The following PCDHGB2 variants were observed in gnomAD, a reference collection of about 807,000 sequenced individuals.
The protein encoded by PCDHGB2 is protocadherin gamma subfamily B, 2, also known as protocadherin gamma-B2.
A neutral mutation model predicts 59.3 loss-of-function variants in PCDHGB2; 55 were observed. That is an observed-to-expected ratio of 0.93 (90% CI 0.75 to 1.16). The LOEUF (loss-of-function observed/expected upper bound fraction) is 1.16. Among genes scored for constraint, PCDHGB2 ranks in the 50% most tolerant of loss-of-function variants. The pLI is 0.00. For synonymous variants in PCDHGB2, 516 were observed against 512.0 expected (o/e 1.01, Z -0.11); for missense variants, 1,228 against 1,198.5 (o/e 1.02, Z -0.36).
intron 1 of PCDHGB2, chr5:141,366,421 G>A: frequency 6.2e-7 from 1 of 1,614,150 alleles, no homozygotes; most frequent in Non-Finnish European, 8.5e-7. Flanking sequence ...TGGTGGCAGT[G>A]GCTGCAGTCT....
At chr5:141,425,069 A>C (rs771114613) in intron 1 of PCDHGB2, among the ~76,000 whole-genome samples, 30 of 152,170 alleles carry the variant, frequency 2.0e-4, no homozygotes, top group Non-Finnish European at 4.1e-4. Context: ...GACAAAAATA[A>C]TTTCAACTGT....
chr5:141,504,546 G>A (rs911626023), intron 2 of PCDHGB2, among the ~76,000 whole-genome samples: 5 of 151,802 alleles, frequency 3.3e-5, no homozygotes, highest in African/African-American at 1.2e-4. Flanking sequence ...CATGGCAAAT[G>A]TTGGGGGACT....
At chr5:141,402,919 G>T in intron 1 of PCDHGB2, 1 of 1,572,640 alleles carries the variant, frequency 6.4e-7, no homozygotes, top group Non-Finnish European at 8.6e-7. Flanking sequence ...CGCGCACAGA[G>T]ATCCTTTTGA....
At chr5:141,392,760 A>C in intron 1 of PCDHGB2, 1 of 1,475,092 alleles carries the variant, frequency 6.8e-7, no homozygotes, top group Non-Finnish European at 9.0e-7. Context: ...GAAACTAAAT[A>C]AGACCCATTT....
chr5:141,375,138 G>A (rs778788428), intron 1 of PCDHGB2: 2 of 1,613,922 alleles, frequency 1.2e-6, no homozygotes. Context: ...GTTACATCTG[G>A]AAGCAGAACA....
Position 141,510,974 on chromosome 5 carries a change from G to T in PCDHGB2, c.2597G>T (p.Gly866Val). The T allele has an allele frequency of 6.2e-7, 1 of 1,614,150 alleles. No homozygotes were observed. The highest frequency in any genetic ancestry group is 1.1e-5 in the South Asian group (1 of 91,088). ...SEAADGSSTL[G>V]GGAGTMGLSA... ...GCTGCTGATGGGAGCTCCACCCTGG[G>T]AGGGGGTGCCGGCACCATGGGATTG... is the stretch of plus-strand genomic sequence containing the variant. The change falls in exon 4 of 4, where the codon GGA becomes GTA. Residue 866 changes from glycine (G) to valine (V), a missense_variant. Physicochemically the swap from Gly to Val is moderately radical, Grantham distance 109. Transcript: ENST00000522605.
At chr5:141,407,314 T>G (rs2094914230) in intron 1 of PCDHGB2, among the ~76,000 whole-genome samples, 1 of 152,212 alleles carries the variant, frequency 6.6e-6, no homozygotes, top group Non-Finnish European at 1.5e-5. Flanking sequence ...CCTTCATACT[T>G]AGTATTTATA....
chr5:141,365,732 G>A (rs780327572), intron 1 of PCDHGB2: 2 of 1,613,574 alleles, frequency 1.2e-6, no homozygotes, highest in Non-Finnish European at 8.5e-7. Flanking sequence ...CAATCCCAGA[G>A]GTGTCTCTAT....
chr5:141,361,499 C>A lies in PCDHGB2; in HGVS notation c.1364C>A (p.Thr455Asn), dbSNP rs1762048821. The change falls in exon 1 of 4, where the codon ACT (threonine) becomes AAT (asparagine). Residue 455 changes from threonine (T) to asparagine (N), a missense_variant. Transcript: ENST00000522605. Reference sequence around the variant, plus strand: ...GATAATGCCCCAGTTTTCCAACAGACTTCCTACATGGTTCACGTGGCAGAG... The same window carrying A: ...GATAATGCCCCAGTTTTCCAACAGAATTCCTACATGGTTCACGTGGCAGAG... ...VNDNAPVFQQTSYMVHVAENN... is the reference protein window; with the variant it reads ...VNDNAPVFQQNSYMVHVAENN... 1.2e-6 allele frequency: 2 copies of A among 1,614,066 alleles called. No individual in the cohort carries two copies. Among genetic ancestry groups the A allele is most frequent in the Non-Finnish European group, 1.7e-6 (2 of 1,179,896 alleles).
intron 1 of PCDHGB2, chr5:141,365,241 T>C: frequency 6.2e-7 from 1 of 1,614,002 alleles, no homozygotes; most frequent in Non-Finnish European, 8.5e-7. Context: ...ATCTCAACTC[T>C]ACAATCACTG....
intron 1 of PCDHGB2, chr5:141,392,800 G>T (rs1394780689): frequency 6.4e-7 from 1 of 1,570,722 alleles, no homozygotes; most frequent in African/African-American, 1.4e-5. Context: ...AGAGGATTCT[G>T]CAGCAAAACA....
Position 141,489,493 on chromosome 5 carries a change from G to A in PCDHGB2, c.2422-5314G>A, listed in dbSNP as rs1485293604. ...CCTGAGCTTGATGAGTGGTGCCCTG[G>A]CAGTGAATCAAAAGATTGACCGAGA... On this transcript the variant is annotated intron_variant, in intron 1 of 3. Coordinates refer to ENST00000522605, the MANE Select transcript of PCDHGB2 (RefSeq NM_018923.3). The surrounding 1 kb of genome is among the most constrained non-coding windows in gnomAD (Gnocchi z 4.5). The A allele has an allele frequency of 1.2e-6, 2 of 1,613,960 alleles. No homozygotes were observed. Among genetic ancestry groups the A allele is most frequent in the Non-Finnish European group, 1.7e-6 (2 of 1,180,038 alleles).
chr5:141,400,591 C>A, intron 1 of PCDHGB2: 1 of 1,602,976 alleles, frequency 6.2e-7, no homozygotes, highest in Non-Finnish European at 8.5e-7. Flanking sequence ...ATGAAACTAT[C>A]GTACATTTTC....
At chr5:141,414,394 A>G in intron 1 of PCDHGB2, 1 of 1,613,930 alleles carries the variant, frequency 6.2e-7, no homozygotes, top group Non-Finnish European at 8.5e-7. Flanking sequence ...CAGTTATTAC[A>G]GATTGGTGAT....
At position 141,431,106 on chromosome 5, in the gene PCDHGB2, T is replaced by C. The variant is rs566174531; in HGVS notation, c.2422-63701T>C. 25 of 1,614,108 alleles carry C rather than the reference T, an allele frequency of 1.5e-5. No homozygotes were observed. In the South Asian group the frequency reaches 2.7e-4, roughly 18 times the overall value. On this transcript the variant is annotated intron_variant, in intron 1 of 3. Transcript: ENST00000522605. This position sits in a 1 kb window ranked among gnomAD's most constrained non-coding sequence, Gnocchi z 4.8. ...ATTCTGATGGAGGATAAAGTGAAAA[T>C]ATATGGAGTAGAAGTAGAAGTAAGG...
intron 1 of PCDHGB2, among the ~76,000 whole-genome samples, chr5:141,438,564 T>A (rs1192918137): frequency 1.5e-5 from 2 of 137,114 alleles, no homozygotes; most frequent in Non-Finnish European, 3.1e-5. Flanking sequence ...AAGAGGCAGC[T>A]GTCTGATATA....
At chr5:141,415,023 C>A (rs1213037511) in intron 1 of PCDHGB2, 1 of 1,613,530 alleles carries the variant, frequency 6.2e-7, no homozygotes, top group East Asian at 2.2e-5. Flanking sequence ...TCAAGGCCAG[C>A]GAGCCGGGAC....
At chr5:141,426,925 A>G in intron 1 of PCDHGB2, 1 of 456,756 alleles carries the variant, frequency 2.2e-6, no homozygotes, top group Non-Finnish European at 4.4e-6. Flanking sequence ...GAAGCAATGG[A>G]CATGGGTGAC....
At position 141,511,397 on chromosome 5, in the gene PCDHGB2, C is replaced by A; in HGVS notation, c.*224C>A. ...AGCAGTTCCGCTGGGAACCCCCATC[C>A]AATCAACTGCTGTACCCATGGGGGT... On this transcript the variant is annotated 3_prime_UTR_variant, in exon 4 of 4. Coordinates refer to ENST00000522605, the MANE Select transcript of PCDHGB2 (RefSeq NM_018923.3). 1.0e-6 allele frequency: 1 copy of A among 1,002,376 alleles called. No individual in the cohort carries two copies. The highest frequency in any genetic ancestry group is 1.4e-6 in the Non-Finnish European group (1 of 705,546). 62.1% of individuals were successfully genotyped at this position (1,002,376 alleles called of 1,614,324 possible). A position where few individuals can be genotyped will look rare whatever the true frequency, so the allele number is the denominator to read the frequency against.
Sources: allele counts gnomAD v4.1 joint callset (sites outside exome capture counted in the v4.1 genomes callset), GRCh38; gene constraint gnomAD v4.1.1; non-coding constraint Gnocchi (gnomAD v3.1); transcripts MANE v1.5; gene names NCBI Gene and HGNC (gene_info 2026-07-23, HGNC 2026-07-21).